Variants in ETV6 observed in about 807,000 individuals in gnomAD.
ETV6 encodes transcription factor ETV6.
ETV6 carries 16 observed loss-of-function variants against 51.1 expected under a neutral mutation model. That is an observed-to-expected ratio of 0.31 (90% CI 0.21 to 0.48). ETV6 has a LOEUF of 0.48. Ranked by LOEUF, ETV6 falls within the 20% of genes least tolerant of loss-of-function variation. The pLI, the probability that ETV6 is intolerant of heterozygous loss-of-function variation, is 0.99. For synonymous variants in ETV6, 240 were observed against 224.1 expected (o/e 1.07, Z -0.64); for missense variants, 458 against 594.8 (o/e 0.77, Z 2.39).
At chr12:11,784,862 ATTTT>A (rs34004409) in intron 2 of ETV6, among the ~76,000 whole-genome samples, 38 of 85,788 alleles carry the variant, frequency 4.4e-4, no homozygotes, top group Non-Finnish European at 5.6e-4. Flanking sequence ...TGCCTTGCTA[ATTTT>A]TTTTTTTTTT....
At chr12:11,878,578 C>T (rs1462286494) in intron 5 of ETV6, among the ~76,000 whole-genome samples, 1 of 152,060 alleles carries the variant, frequency 6.6e-6, no homozygotes, top group African/African-American at 2.4e-5. Flanking sequence ...GGTCCAGCCT[C>T]ATTTGCAGCT....
chr12:11,843,521 A>G (rs765621617), intron 3 of ETV6, among the ~76,000 whole-genome samples: 3 of 152,174 alleles, frequency 2.0e-5, no homozygotes, highest in Non-Finnish European at 4.4e-5. Flanking sequence ...TTAACAGTTC[A>G]GCCCAACTTC....
chr12:11,654,432 C>G (rs531922093), intron 1 of ETV6, among the ~76,000 whole-genome samples: 38 of 152,282 alleles, frequency 2.5e-4, no homozygotes, highest in Non-Finnish European at 4.6e-4. Flanking sequence ...CCTACAGGTT[C>G]TTAGGCCACT....
chr12:11,796,934 G>A (rs1945687231), intron 2 of ETV6, among the ~76,000 whole-genome samples: 2 of 152,028 alleles, frequency 1.3e-5, no homozygotes, highest in Admixed American at 1.3e-4. Flanking sequence ...CCACAAGCAT[G>A]CCGCACCATG....
At chr12:11,733,264 C>T (rs1435766541) in intron 1 of ETV6, among the ~76,000 whole-genome samples, 1 of 151,966 alleles carries the variant, frequency 6.6e-6, no homozygotes, top group Non-Finnish European at 1.5e-5. Flanking sequence ...AAAATTTAGC[C>T]AGGCATGGTG....
chr12:11,659,407 C>G (rs1864058982), intron 1 of ETV6, among the ~76,000 whole-genome samples: 1 of 152,116 alleles, frequency 6.6e-6, no homozygotes. Context: ...TAAGTGTGGG[C>G]TACTTAATAC....
intron 2 of ETV6, among the ~76,000 whole-genome samples, chr12:11,812,215 A>T (rs1042421952): frequency 3.3e-5 from 5 of 152,016 alleles, no homozygotes; most frequent in African/African-American, 1.2e-4. Flanking sequence ...CCGCGTGCAC[A>T]CTCTTCACTG....
intron 1 of ETV6, among the ~76,000 whole-genome samples, chr12:11,689,770 C>T (rs891469474): frequency 6.8e-6 from 1 of 146,054 alleles, no homozygotes; most frequent in Non-Finnish European, 1.5e-5. Flanking sequence ...GGGGCAGATT[C>T]TTCAGAATCA....
intron 2 of ETV6, among the ~76,000 whole-genome samples, chr12:11,780,966 GT>G (rs1445966540): frequency 1.3e-5 from 2 of 152,170 alleles, no homozygotes; most frequent in African/African-American, 4.8e-5. Context: ...AACAGCTTGG[GT>G]TTCCCCCTAC....
At chr12:11,865,970 GT>G (rs1238946752) in intron 4 of ETV6, among the ~76,000 whole-genome samples, 1 of 151,734 alleles carries the variant, frequency 6.6e-6, no homozygotes, top group Non-Finnish European at 1.5e-5. Context: ...ATTCTACTCT[GT>G]TTTTTTCTAT....
chr12:11,668,040 G>C (rs1170089497), intron 1 of ETV6, among the ~76,000 whole-genome samples: 2 of 151,954 alleles, frequency 1.3e-5, no homozygotes, highest in Non-Finnish European at 2.9e-5. Flanking sequence ...TCACTATGTT[G>C]CCTGGCTGGT....
chr12:11,786,100 G>A (rs912405107), intron 2 of ETV6, among the ~76,000 whole-genome samples: 4 of 152,090 alleles, frequency 2.6e-5, no homozygotes, highest in African/African-American at 7.2e-5. Context: ...GACGGGCTAC[G>A]GTTCTTGTTT....
intron 2 of ETV6, among the ~76,000 whole-genome samples, chr12:11,835,213 T>C (rs1431533950): frequency 6.6e-6 from 1 of 152,246 alleles, no homozygotes; most frequent in Non-Finnish European, 1.5e-5. Context: ...AGCAGTTCAC[T>C]TTCTCTGTAC....
chr12:11,888,465 G>C (rs539983069), intron 7 of ETV6, among the ~76,000 whole-genome samples: 2 of 142,520 alleles, frequency 1.4e-5, no homozygotes, highest in African/African-American at 5.3e-5. Flanking sequence ...GCACAATCTC[G>C]ACTCACTGGA....
intron 1 of ETV6, among the ~76,000 whole-genome samples, chr12:11,732,788 C>T (rs1865626289): frequency 6.6e-6 from 1 of 152,184 alleles, no homozygotes; most frequent in Non-Finnish European, 1.5e-5. Context: ...AGAAGATGCT[C>T]TTCTCCATTT....
intron 2 of ETV6, among the ~76,000 whole-genome samples, chr12:11,837,133 C>T (rs1250469101): frequency 6.6e-6 from 1 of 152,206 alleles, no homozygotes; most frequent in South Asian, 2.1e-4. Context: ...TTGGAGAGAG[C>T]TGGTACTTCC....
chr12:11,696,226 T>C (rs534089442), intron 1 of ETV6, among the ~76,000 whole-genome samples: 103 of 152,304 alleles, frequency 6.8e-4, no homozygotes, highest in African/African-American at 2.3e-3. Context: ...TTTACTTGTT[T>C]CTTAATGTTT....
chr12:11,721,946 A>G (rs1865396877), intron 1 of ETV6, among the ~76,000 whole-genome samples: 1 of 152,158 alleles, frequency 6.6e-6, no homozygotes, highest in East Asian at 1.9e-4. Context: ...TTCACCTGTG[A>G]TCAAAGTTGT....
chr12:11,769,918 G>C lies in ETV6; in HGVS notation c.163+17339G>C, dbSNP rs897377581. The stretch of plus-strand genomic sequence containing the variant: ...GACTCCCTGGGTGTGTCTCTTACCT[G>C]TGCCCTTGGGCAGGTGGCACGGGAG... On this transcript the variant is annotated intron_variant, in intron 2 of 7. Transcript: ENST00000396373. Among the ~76,000 whole-genome samples the C allele has an allele frequency of 5.4e-4, 83 of 152,298 alleles. 1 individual carries two copies. Among genetic ancestry groups the C allele is most frequent in the African/African-American group, 2.0e-3 (82 of 41,562 alleles).
Sources: gnomAD v4.1 joint callset for allele counts (sites outside exome capture counted in the v4.1 genomes callset) on GRCh38, gnomAD v4.1.1 for gene constraint, MANE v1.5 for transcripts, NCBI Gene and HGNC (gene_info 2026-07-23, HGNC 2026-07-21) for gene names.